The following CUBN variants were observed in gnomAD, a reference collection of about 807,000 sequenced individuals.
CUBN encodes the protein 460 kDa receptor.
CUBN carries 282 observed loss-of-function variants against 405.3 expected under a neutral mutation model. That is an observed-to-expected ratio of 0.70 (90% CI 0.63 to 0.77). The LOEUF (loss-of-function observed/expected upper bound fraction) is 0.77, where lower values mean the gene tolerates loss of function less well. Ranked by LOEUF, CUBN falls within the 30% of genes least tolerant of loss-of-function variation. The pLI is 0.00. For synonymous variants in CUBN, 1,684 were observed against 1,617.0 expected (o/e 1.04, Z -0.99); for missense variants, 4,514 against 4,475.2 (o/e 1.01, Z -0.25).
chr10:17,076,990 A>G (rs1241351758), intron 17 of CUBN, among the ~76,000 whole-genome samples: 1 of 152,212 alleles, frequency 6.6e-6, no homozygotes, highest in African/African-American at 2.4e-5. Context: ...GAGAAAGATG[A>G]CCAATATCTG....
chr10:16,924,507 CAT>C (rs747956214), intron 43 of CUBN, among the ~76,000 whole-genome samples: 27 of 150,838 alleles, frequency 1.8e-4, no homozygotes, highest in South Asian at 4.2e-4. Context: ...ATTTCATTTA[CAT>C]ATATATATAT....
At chr10:16,912,959 G>A (rs1272531329) in intron 48 of CUBN, among the ~76,000 whole-genome samples, 2 of 152,172 alleles carry the variant, frequency 1.3e-5, no homozygotes, top group Non-Finnish European at 2.9e-5. Flanking sequence ...AGGGGGACGA[G>A]GTGGAACTTT....
intron 43 of CUBN, among the ~76,000 whole-genome samples, chr10:16,921,676 C>T (rs369833421): frequency 7.9e-5 from 12 of 152,220 alleles, no homozygotes; most frequent in African/African-American, 2.2e-4. Flanking sequence ...GGCCCTTGGG[C>T]GCATCTCTCC....
chr10:17,014,582 A>T (rs1183099059), intron 28 of CUBN, among the ~76,000 whole-genome samples: 2 of 152,210 alleles, frequency 1.3e-5, no homozygotes, highest in Non-Finnish European at 2.9e-5. Context: ...TCTGGCTAAG[A>T]TTAGGCCTAG....
chr10:16,873,554 G>A (rs960397270), intron 58 of CUBN, among the ~76,000 whole-genome samples: 3 of 151,748 alleles, frequency 2.0e-5, no homozygotes, highest in African/African-American at 2.4e-5. Context: ...AAACCCCGTC[G>A]CTACCAGAAA....
intron 6 of CUBN, among the ~76,000 whole-genome samples, chr10:17,119,476 A>G (rs190091494): frequency 6.6e-6 from 1 of 152,148 alleles, no homozygotes; most frequent in Non-Finnish European, 1.5e-5. Context: ...CCTGGCCAAC[A>G]TGGTGAAACC....
Position 17,047,549 on chromosome 10 carries a change from G to C in CUBN, c.3194C>G (p.Pro1065Arg). ...TTCCCAGTTGTTGGGATAATTATTG[G>C]GGAAGTTTGGAGAAGTGAATGTCCC... The part of the protein sequence containing the change: ...DLGTFTSPNF[P>R]NNYPNNWECI... The change falls in exon 23 of 67, where the codon CCC becomes CGC. Residue 1065 changes from proline to arginine, a missense_variant. This residue lies in a region of CUBN where 1,448 missense variants were observed against 1,388.0 expected (regional missense o/e 1.04). Transcript: ENST00000377833. The C allele has an allele frequency of 6.2e-7, 1 of 1,614,024 alleles. No individual in the cohort carries two copies. Among genetic ancestry groups the C allele is most frequent in the Non-Finnish European group, 8.5e-7 (1 of 1,179,956 alleles).
chr10:17,049,572 T>C (rs147194102), intron 22 of CUBN, among the ~76,000 whole-genome samples: 58 of 152,310 alleles, frequency 3.8e-4, no homozygotes, highest in Non-Finnish European at 8.1e-4. Flanking sequence ...GAACAACTGG[T>C]GGGAGTCTGT....
chr10:16,907,742 G>T, intron 48 of CUBN, 63 bp from the exon 49 acceptor site: 1 of 1,565,872 alleles, frequency 6.4e-7, no homozygotes, highest in Non-Finnish European at 8.8e-7. Context: ...TTCCTAGGAG[G>T]TGATATTTCC....
chr10:17,052,870 T>C (rs1835305887), intron 22 of CUBN, among the ~76,000 whole-genome samples: 1 of 145,896 alleles, frequency 6.9e-6, no homozygotes, highest in Non-Finnish European at 1.5e-5. Flanking sequence ...GTAAAAGATA[T>C]AACTAAAACA....
At chr10:16,935,804 C>T (rs539437500) in intron 39 of CUBN, among the ~76,000 whole-genome samples, 121 of 132,470 alleles carry the variant, frequency 9.1e-4, no homozygotes, top group Non-Finnish European at 1.5e-3. Flanking sequence ...GGTATGAACT[C>T]GGGAGGCGGA....
intron 23 of CUBN, 34 bp from the exon 24 acceptor site, chr10:17,046,128 T>C (rs1248318480): frequency 6.3e-7 from 1 of 1,575,458 alleles, no homozygotes; most frequent in Non-Finnish European, 8.7e-7. Context: ...TTTATTGGGT[T>C]ACTGACAATA....
chr10:16,947,538 C>T (rs1289997290), intron 35 of CUBN, among the ~76,000 whole-genome samples, 171 bp from the exon 36 acceptor site: 2 of 152,220 alleles, frequency 1.3e-5, no homozygotes, highest in Non-Finnish European at 2.9e-5. Context: ...ATTCTGCAAA[C>T]TGAAGACCAA....
chr10:17,040,979 C>T, intron 27 of CUBN, 54 bp downstream of exon 27: 1 of 1,529,198 alleles, frequency 6.5e-7, no homozygotes, highest in Non-Finnish European at 9.1e-7. Context: ...TCTAACTTGA[C>T]ACATCTCCCT....
intron 6 of CUBN, chr10:17,122,348 A>C (rs1465099561): frequency 3.6e-6 from 1 of 275,338 alleles, no homozygotes; most frequent in Admixed American, 5.1e-5. Context: ...TTGACATAGC[A>C]TTGAATAAAG....
rs558809799 is a variant in CUBN, at chr10:16,898,844, T to A, written c.8598+152A>T. On this transcript the variant is annotated intron_variant, in intron 54 of 66. Coordinates refer to ENST00000377833, the MANE Select transcript of CUBN (RefSeq NM_001081.4). ...AAGAAAGAAAAGAAATTCTAGCTCCTAACAGTTGAGGTTTCTCACTTTCTC... is the reference window on the plus strand; with the variant it reads ...AAGAAAGAAAAGAAATTCTAGCTCCAAACAGTTGAGGTTTCTCACTTTCTC... 6.5e-5 allele frequency: 44 copies of A among 676,972 alleles called. No homozygotes were observed. In the East Asian group the frequency reaches 9.1e-4, roughly 14 times the overall value. 41.9% of individuals were successfully genotyped at this position (676,972 alleles called of 1,614,324 possible).
chr10:17,102,130 C>A (rs745986896), intron 13 of CUBN, among the ~76,000 whole-genome samples: 3 of 152,116 alleles, frequency 2.0e-5, no homozygotes, highest in Admixed American at 6.5e-5. Flanking sequence ...AAAGCATGGA[C>A]TTTGGAACCA....
chr10:17,128,457 A>T (rs1215133962), intron 2 of CUBN, among the ~76,000 whole-genome samples: 1 of 152,178 alleles, frequency 6.6e-6, no homozygotes, highest in Non-Finnish European at 1.5e-5. Flanking sequence ...GATTATTGGG[A>T]AATGAAAACA....
intron 54 of CUBN, among the ~76,000 whole-genome samples, chr10:16,894,122 T>C (rs1027845003): frequency 1.3e-5 from 2 of 152,196 alleles, no homozygotes; most frequent in South Asian, 4.1e-4. Flanking sequence ...ATATTTTACA[T>C]AGTAGTACAT....
Sources: gnomAD v4.1 joint callset for allele counts (sites outside exome capture counted in the v4.1 genomes callset) on GRCh38, gnomAD v4.1.1 for gene constraint, gnomAD v4.1.1 regional missense constraint, MANE v1.5 for transcripts, NCBI Gene and HGNC (gene_info 2026-07-23, HGNC 2026-07-21) for gene names.